DUSP5: variants seen among roughly 807,000 people sequenced by gnomAD.
DUSP5 encodes dual specificity phosphatase 5.
A neutral mutation model predicts 33.6 loss-of-function variants in DUSP5; 22 were observed. The observed-to-expected ratio is 0.66, with a 90% CI of 0.47 to 0.94. The LOEUF (loss-of-function observed/expected upper bound fraction) is 0.94, where lower values mean the gene tolerates loss of function less well. Among genes scored for constraint, DUSP5 ranks in the 40% least tolerant of loss-of-function variants. The pLI, the probability that DUSP5 is intolerant of heterozygous loss-of-function variation, is 0.00. For missense variants in DUSP5, 551 were observed against 522.1 expected, an observed-to-expected ratio of 1.06 and a Z score of -0.54; for synonymous variants, 270 against 231.1, an observed-to-expected ratio of 1.17 and a Z score of -1.53.
In DUSP5 at chr10:110,497,929, C is replaced by G; in HGVS notation, c.-193C>G. 1 of 274,492 alleles carries G rather than the reference C, an allele frequency of 3.6e-6. No individual in the cohort carries two copies. Among genetic ancestry groups the G allele is most frequent in the Non-Finnish European group, 5.5e-6 (1 of 180,356 alleles). The allele number at this position is 274,492 out of a possible 1,614,324, so 17.0% of individuals were successfully genotyped here. ...CCCGGCTTCTAGGGCGGCGAGCGGC[C>G]GGGCTGGCTATCGAGCGAGCGGGGC... On this transcript the variant is annotated 5_prime_UTR_variant, in exon 1 of 4. Coordinates refer to ENST00000369583, the MANE Select transcript of DUSP5 (RefSeq NM_004419.4).
intron 1 of DUSP5, among the ~76,000 whole-genome samples, chr10:110,499,057 C>T (rs984723635): frequency 2.1e-4 from 32 of 152,096 alleles, no homozygotes; most frequent in African/African-American, 6.5e-4. Context: ...CCTCTTCTCC[C>T]CTCCTAGGTC....
chr10:110,503,951 A>G (rs561420390), intron 2 of DUSP5, among the ~76,000 whole-genome samples: 84 of 152,328 alleles, frequency 5.5e-4, no homozygotes, highest in African/African-American at 2.0e-3. Context: ...ATAAACTTCA[A>G]AGTAAAGCCA....
rs547665505 is a variant in DUSP5 at position 110,504,513 on chromosome 10, A to G, written c.528+1644A>G. Reference sequence around the variant, plus strand: ...GCACTCAGGAGAGGAAGAGATCTTGAGTCAACCATCCAGCCTGCTCCTTAA... The same window carrying G: ...GCACTCAGGAGAGGAAGAGATCTTGGGTCAACCATCCAGCCTGCTCCTTAA... On this transcript the variant is annotated intron_variant, in intron 2 of 3. Coordinates refer to ENST00000369583, the MANE Select transcript of DUSP5 (RefSeq NM_004419.4). Among the ~76,000 whole-genome samples, 40 of 152,316 alleles carry G rather than the reference A, an allele frequency of 2.6e-4. No individual in the cohort carries two copies. The South Asian group carries it at 2.7e-3, about 10-fold the overall frequency.
intron 1 of DUSP5, among the ~76,000 whole-genome samples, chr10:110,499,671 C>T (rs1590514605): frequency 6.6e-6 from 1 of 152,322 alleles, no homozygotes; most frequent in Admixed American, 6.5e-5. Context: ...CTGTTGATTT[C>T]CTGTTGGAGA....
rs372682956 is a variant in DUSP5, at chr10:110,510,283, C to T, written c.1012C>T (p.Leu338=). The T allele has an allele frequency of 4.5e-5, 72 of 1,614,188 alleles. 1 individual carries two copies. Among genetic ancestry groups the T allele is most frequent in the Admixed American group, 8.3e-5 (5 of 60,032 alleles). Residue 338 remains leucine (L), a synonymous_variant, in exon 4 of 4, where the codon CTG becomes TTG. Coordinates refer to ENST00000369583, the MANE Select transcript of DUSP5 (RefSeq NM_004419.4). ...SCQGEAAGSS[L]IGHLQTLSPD... is the part of the protein sequence containing the mutation. ...CCAAGGGGAGGCAGCAGGCTCTTCA[C>T]TGATAGGCCATTTGCAGACACTGAG...
chr10:110,498,526 C>A, intron 1 of DUSP5, 26 bp downstream of exon 1: 1 of 1,440,568 alleles, frequency 6.9e-7, no homozygotes, highest in Admixed American at 2.7e-5. Context: ...CCCTGCCACG[C>A]TCGCCCCTCC....
In DUSP5 at chr10:110,498,319, G is replaced by C; in HGVS notation, c.198G>C (p.Leu66=). The part of the protein sequence containing the change: ...RGGAVSARYV[L]PDEAARARLL... ...GCGCGGTGTCGGCGCGCTACGTGCT[G>C]CCCGACGAGGCGGCGCGCGCGCGGC... The change falls in exon 1 of 4, where the codon CTG becomes CTC. Residue 66 remains leucine, a synonymous_variant. Transcript: ENST00000369583. 6.6e-6 allele frequency: 9 copies of C among 1,372,946 alleles called. No homozygotes were observed. The highest frequency in any genetic ancestry group is 7.5e-6 in the Non-Finnish European group (8 of 1,066,130). The allele number at this position is 1,372,946 out of a possible 1,614,324, so 85.0% of individuals were successfully genotyped here. A position where few individuals can be genotyped will look rare whatever the true frequency, so the allele number is the denominator to read the frequency against.
intron 2 of DUSP5, among the ~76,000 whole-genome samples, chr10:110,506,307 C>A (rs151192739): frequency 8.5e-4 from 130 of 152,284 alleles, no homozygotes; most frequent in African/African-American, 3.1e-3. Flanking sequence ...TGGTACATGC[C>A]TGTAGGCCCA....
chr10:110,502,692 C>G (rs777419714), intron 1 of DUSP5, 29 bp from the exon 2 acceptor site: 1 of 1,607,448 alleles, frequency 6.2e-7, no homozygotes, highest in Admixed American at 1.7e-5. Context: ...TGCTTACCAT[C>G]TGTCTCACCT....
Position 110,498,290 on chromosome 10 carries a change from G to A in DUSP5, c.169G>A (p.Gly57Ser). 6.9e-7 allele frequency: 1 copy of A among 1,446,340 alleles called. No homozygotes were observed. The highest frequency in any genetic ancestry group is 1.4e-5 in the South Asian group (1 of 72,838). The allele number at this position is 1,446,340 out of a possible 1,614,324, so 89.6% of individuals were successfully genotyped here. ...LNSVVLRRAR[G>S]GAVSARYVLP... Reference sequence around the variant, plus strand: ...CTCGGTGGTGCTGCGGCGGGCCCGGGGCGGCGCGGTGTCGGCGCGCTACGT... The same window carrying A: ...CTCGGTGGTGCTGCGGCGGGCCCGGAGCGGCGCGGTGTCGGCGCGCTACGT... Residue 57 changes from glycine to serine, a missense_variant, in exon 1 of 4, where the codon GGC (glycine) becomes AGC (serine). Around this residue, in one of 3 missense-constraint regions of DUSP5, gnomAD observed 381 missense variants for 310.4 expected, o/e 1.23. Transcript: ENST00000369583.
rs1312946033 is a variant in DUSP5 at position 110,510,847 on chromosome 10, A to G, written c.*421A>G. ...GCACAATTTCCACCTTATTTTTTGA[A>G]CTTTGGCAGTTTCAATGTCTGTCTC... On this transcript the variant is annotated 3_prime_UTR_variant, in exon 4 of 4. Transcript: ENST00000369583. 1 of 164,484 alleles carries G rather than the reference A, an allele frequency of 6.1e-6. No homozygotes were observed. The highest frequency in any genetic ancestry group is 1.8e-4 in the East Asian group (1 of 5,624). 10.2% of individuals were successfully genotyped at this position (164,484 alleles called of 1,614,324 possible).
Position 110,498,076 on chromosome 10 carries a change from CCGCGGGG to C in DUSP5, c.-41_-35del, listed in dbSNP as rs1442639051. The stretch of plus-strand genomic sequence containing the variant: ...CCGTGGACACCCTGGCCGTGGGCAC[CCGCGGGG>C]CGCGCGGCGCGGGGCCGCTGGCCGG... On this transcript the variant is annotated 5_prime_UTR_variant, in exon 1 of 4. Transcript: ENST00000369583. 8.7e-7 allele frequency: 1 copy of C among 1,151,584 alleles called. No homozygotes were observed. 71.3% of individuals were successfully genotyped at this position (1,151,584 alleles called of 1,614,324 possible). A position where few individuals can be genotyped will look rare whatever the true frequency, so the allele number is the denominator to read the frequency against.
Position 110,506,958 on chromosome 10 carries a change from C to T in DUSP5, c.552C>T (p.Pro184=), listed in dbSNP as rs1198138663. The T allele has an allele frequency of 6.2e-7, 1 of 1,614,152 alleles. No homozygotes were observed. Among genetic ancestry groups the T allele is most frequent in the Non-Finnish European group, 8.5e-7 (1 of 1,180,052 alleles). ...YDQGGPVEIL[P]FLYLGSAYHA... Reference sequence around the variant, plus strand: ...AGGGTGGCCCAGTTGAAATCCTTCCCTTCCTCTACCTTGGAAGTGCCTACC... The same window carrying T: ...AGGGTGGCCCAGTTGAAATCCTTCCTTTCCTCTACCTTGGAAGTGCCTACC... Residue 184 remains proline (P), a synonymous_variant, in exon 3 of 4, where the codon CCC becomes CCT. Coordinates refer to ENST00000369583, the MANE Select transcript of DUSP5 (RefSeq NM_004419.4).
intron 1 of DUSP5, among the ~76,000 whole-genome samples, chr10:110,499,696 A>G (rs1860016772): frequency 6.6e-6 from 1 of 152,226 alleles, no homozygotes; most frequent in African/African-American, 2.4e-5. Flanking sequence ...ACAGAGGTAG[A>G]TGGTAATCGT....
intron 1 of DUSP5, among the ~76,000 whole-genome samples, chr10:110,502,391 G>T (rs930545254): frequency 6.6e-6 from 1 of 152,208 alleles, no homozygotes; most frequent in African/African-American, 2.4e-5. Context: ...AAACAAGAGA[G>T]AAAATAGCCT....
rs1860179360 is a variant in DUSP5 at position 110,510,552 on chromosome 10, T to C, written c.*126T>C. ...CTGTCATGCTGCCCCAGTGAGATAG[T>C]GAGTGGTCACCAGGCTTGCAAATGA... On this transcript the variant is annotated 3_prime_UTR_variant, in exon 4 of 4. Coordinates refer to ENST00000369583, the MANE Select transcript of DUSP5 (RefSeq NM_004419.4). The C allele has an allele frequency of 3.9e-6, 5 of 1,294,310 alleles. No individual in the cohort carries two copies. The South Asian group carries it at 7.9e-5, about 20-fold the overall frequency. 80.2% of individuals were successfully genotyped at this position (1,294,310 alleles called of 1,614,324 possible). A position where few individuals can be genotyped will look rare whatever the true frequency, so the allele number is the denominator to read the frequency against.
In DUSP5 at chr10:110,510,000, C is replaced by T; in HGVS notation, c.749-20C>T. The T allele has an allele frequency of 1.9e-6, 3 of 1,561,366 alleles. No individual in the cohort carries two copies. The highest frequency in any genetic ancestry group is 2.6e-6 in the Non-Finnish European group (3 of 1,150,604). ...AGATTCTAATCCCAACTCACTCCCA[C>T]CATCTTTTCTTCCTTCCAGACTGTG... On this transcript the variant is annotated intron_variant, in intron 3 of 3. Coordinates refer to ENST00000369583, the MANE Select transcript of DUSP5 (RefSeq NM_004419.4).
Position 110,498,131 on chromosome 10 carries a change from A to G in DUSP5, c.10A>G (p.Thr4Ala), listed in dbSNP as rs1458610284. 3 of 1,432,466 alleles carry G rather than the reference A, an allele frequency of 2.1e-6. No homozygotes were observed. The highest frequency in any genetic ancestry group is 2.2e-5 in the Admixed American group (1 of 45,724). 88.7% of individuals were successfully genotyped at this position (1,432,466 alleles called of 1,614,324 possible). ...CGGCGGCGGCGGCGGCATGAAGGTC[A>G]CGTCGCTCGACGGGCGCCAGCTGCG... MKV[T>A]SLDGRQLRKM... The change falls in exon 1 of 4, where the codon ACG (threonine) becomes GCG (alanine). Residue 4 changes from threonine to alanine, a missense_variant. Thr to Ala is a moderately conservative substitution (Grantham distance 58, BLOSUM62 0). Transcript: ENST00000369583.
chr10:110,507,133 C>G lies in DUSP5; in HGVS notation c.727C>G (p.Gln243Glu), dbSNP rs753165309. 4 of 1,613,870 alleles carry G rather than the reference C, an allele frequency of 2.5e-6. No homozygotes were observed. In the South Asian group the frequency reaches 3.3e-5, roughly 13 times the overall value. Residue 243 changes from glutamine (Q) to glutamate (E), a missense_variant, in exon 3 of 4, where the codon CAA (glutamine) becomes GAA (glutamate). Transcript: ENST00000369583. ...SHTADISSHF[Q>E]EAIDFIDCVR... Reference sequence around the variant, plus strand: ...CACGGCTGACATTAGCTCCCACTTTCAAGAAGCAATAGACTTCATTGGTAG... The same window carrying G: ...CACGGCTGACATTAGCTCCCACTTTGAAGAAGCAATAGACTTCATTGGTAG...
Sources: allele counts gnomAD v4.1 joint callset (sites outside exome capture counted in the v4.1 genomes callset), GRCh38; gene constraint gnomAD v4.1.1; regional missense constraint gnomAD v4.1.1; transcripts MANE v1.5; gene names NCBI Gene and HGNC (gene_info 2026-07-23, HGNC 2026-07-21).